Variants in UBE2K observed in about 807,000 individuals in gnomAD.
UBE2K encodes the protein ubiquitin conjugating enzyme E2 K, also known as ubiquitin-conjugating enzyme E2 K.
A neutral mutation model predicts 30.0 loss-of-function variants in UBE2K; 6 were observed. That is an observed-to-expected ratio of 0.20 (90% CI 0.11 to 0.39). The LOEUF is 0.39. Ranked by LOEUF, UBE2K falls within the 10% of genes least tolerant of loss-of-function variation. The probability of loss-of-function intolerance (pLI) is 1.00; values close to 1 mark genes in which losing one functional copy is unlikely to be tolerated. For missense variants in UBE2K, 61 were observed against 241.6 expected, an observed-to-expected ratio of 0.25 and a Z score of 4.96; for synonymous variants, 86 against 83.7, an observed-to-expected ratio of 1.03 and a Z score of -0.15.
intron 1 of UBE2K, among the ~76,000 whole-genome samples, chr4:39,734,841 T>C (rs1413741724): frequency 6.6e-6 from 1 of 152,140 alleles, no homozygotes; most frequent in Non-Finnish European, 1.5e-5. Flanking sequence ...GGGGGTGATG[T>C]AGACAGAAAT....
At chr4:39,769,015 G>C (rs1414005008) in intron 4 of UBE2K, among the ~76,000 whole-genome samples, 1 of 151,964 alleles carries the variant, frequency 6.6e-6, no homozygotes, top group Non-Finnish European at 1.5e-5. Context: ...TAGTAGAGAT[G>C]GGGTTTCGCC....
chr4:39,733,027 C>G (rs775825561), intron 1 of UBE2K, among the ~76,000 whole-genome samples: 19 of 131,710 alleles, frequency 1.4e-4, no homozygotes, highest in East Asian at 7.2e-4. Flanking sequence ...TTAGAAATGC[C>G]TTGAAGCCCC....
intron 4 of UBE2K, among the ~76,000 whole-genome samples, chr4:39,773,703 C>T (rs1309286198): frequency 1.3e-5 from 2 of 152,032 alleles, no homozygotes; most frequent in Admixed American, 6.5e-5. Context: ...GGGCGGATCA[C>T]GAGGTCAGGA....
intron 5 of UBE2K, among the ~76,000 whole-genome samples, chr4:39,776,043 T>C (rs995985337): frequency 6.6e-6 from 1 of 152,238 alleles, no homozygotes; most frequent in Non-Finnish European, 1.5e-5. Context: ...ATGTTTAGGC[T>C]TGCCCTCTCT....
intron 4 of UBE2K, 76 bp downstream of exon 4, chr4:39,755,815 C>A (rs1296367041): frequency 1.9e-6 from 2 of 1,075,856 alleles, no homozygotes; most frequent in Admixed American, 2.5e-5. Context: ...TGTGTAATTG[C>A]CTCAAAACAT....
intron 1 of UBE2K, among the ~76,000 whole-genome samples, chr4:39,721,765 C>G (rs1042667975): frequency 6.6e-6 from 1 of 152,112 alleles, no homozygotes; most frequent in African/African-American, 2.4e-5. Context: ...TAATTCACTA[C>G]CAAAAACTTG....
chr4:39,723,712 A>C (rs558696052), intron 1 of UBE2K, among the ~76,000 whole-genome samples: 3 of 152,314 alleles, frequency 2.0e-5, no homozygotes, highest in African/African-American at 7.2e-5. Flanking sequence ...AAAACTCAGA[A>C]TGTCTTTGTA....
At chr4:39,747,840 C>T (rs1381879685) in intron 3 of UBE2K, among the ~76,000 whole-genome samples, 11 of 151,354 alleles carry the variant, frequency 7.3e-5, no homozygotes, top group Middle Eastern at 3.4e-3. Context: ...CTCGCTCTGC[C>T]GCCCAGGCTG....
At chr4:39,771,122 C>G in intron 4 of UBE2K, 1 of 1,612,618 alleles carries the variant, frequency 6.2e-7, no homozygotes, top group Non-Finnish European at 8.5e-7. Context: ...TAGGAGGTGG[C>G]TGTAAGATAG....
intron 1 of UBE2K, among the ~76,000 whole-genome samples, chr4:39,716,600 C>T (rs1449070914): frequency 6.6e-6 from 1 of 152,166 alleles, no homozygotes; most frequent in African/African-American, 2.4e-5. Flanking sequence ...ATAGCTTAAG[C>T]CGGTAATCCC....
intron 5 of UBE2K, 48 bp downstream of exon 5, chr4:39,774,981 C>T (rs201307302): frequency 2.5e-5 from 33 of 1,319,596 alleles, no homozygotes; most frequent in Non-Finnish European, 3.2e-6. Context: ...GTATGAGTCT[C>T]TAGCCACTTC....
chr4:39,752,911 T>A (rs996878534), intron 3 of UBE2K, among the ~76,000 whole-genome samples: 1 of 152,044 alleles, frequency 6.6e-6, no homozygotes, highest in South Asian at 2.1e-4. Context: ...TCCCAGCAGT[T>A]TGGGAGGCCG....
intron 4 of UBE2K, among the ~76,000 whole-genome samples, chr4:39,756,258 A>C (rs1721511974): frequency 6.6e-6 from 1 of 152,174 alleles, no homozygotes; most frequent in Non-Finnish European, 1.5e-5. Context: ...ATGTTTTAAG[A>C]GTTCCTACTC....
intron 4 of UBE2K, among the ~76,000 whole-genome samples, chr4:39,760,176 C>CAAAAAAAAAAA (rs71194913): frequency 2.6e-5 from 2 of 77,172 alleles, no homozygotes; most frequent in African/African-American, 1.2e-4. Flanking sequence ...GACTCTGTCA[C>CAAAAAAAAAAA]AAAAAAAAAA....
At chr4:39,774,591 C>T (rs901009535) in intron 4 of UBE2K, among the ~76,000 whole-genome samples, 3 of 150,454 alleles carry the variant, frequency 2.0e-5, no homozygotes, top group Non-Finnish European at 2.9e-5. Flanking sequence ...CCAGCCTGGG[C>T]GACAGAGCCA....
intron 4 of UBE2K, chr4:39,771,213 C>A: frequency 1.2e-6 from 2 of 1,612,616 alleles, no homozygotes; most frequent in Non-Finnish European, 1.7e-6. Flanking sequence ...GTGCACTGTG[C>A]ATCAGGGAGA....
chr4:39,704,079 G>A (rs775369051), intron 1 of UBE2K, among the ~76,000 whole-genome samples: 2 of 151,398 alleles, frequency 1.3e-5, no homozygotes, highest in Non-Finnish European at 2.9e-5. Flanking sequence ...TGAATGTAAC[G>A]AGAATTTGAA....
intron 2 of UBE2K, among the ~76,000 whole-genome samples, chr4:39,744,495 G>C (rs1560362701): frequency 6.6e-6 from 1 of 151,996 alleles, no homozygotes; most frequent in Non-Finnish European, 1.5e-5. Flanking sequence ...TAAAAATGCT[G>C]TATAGCTGCT....
At chr4:39,700,377 G>GTTGT (rs551187308) in intron 1 of UBE2K, among the ~76,000 whole-genome samples, 3 of 152,098 alleles carry the variant, frequency 2.0e-5, no homozygotes, top group African/African-American at 4.8e-5. Context: ...TGTTGTTTTT[G>GTTGT]TTGTTTGTTT....
Sources: gnomAD v4.1 joint callset for allele counts (sites outside exome capture counted in the v4.1 genomes callset) on GRCh38, gnomAD v4.1.1 for gene constraint, MANE v1.5 for transcripts, NCBI Gene and HGNC (gene_info 2026-07-23, HGNC 2026-07-21) for gene names.